Variants in NRXN3 observed in about 807,000 individuals in gnomAD.
NRXN3 encodes the protein neurexin III.
A neutral mutation model predicts 137.6 loss-of-function variants in NRXN3; 32 were observed. The observed-to-expected ratio is 0.23, with a 90% confidence interval of 0.18 to 0.31. The LOEUF (loss-of-function observed/expected upper bound fraction) is 0.31, where lower values mean the gene tolerates loss of function less well. Ranked by LOEUF, NRXN3 falls within the 10% of genes least tolerant of loss-of-function variation. The pLI is 1.00. For missense variants in NRXN3, 1,574 were observed against 2,062.5 expected (o/e 0.76, Z 4.59); for synonymous variants, 798 against 784.5 (o/e 1.02, Z -0.29).
chr14:78,197,934 A>G (rs540624449), intron 1 of NRXN3, among the ~76,000 whole-genome samples: 166 of 152,280 alleles, frequency 1.1e-3, no homozygotes, highest in Non-Finnish European at 1.5e-3. Flanking sequence ...ATATAAAGCA[A>G]TATGAAGCAT....
chr14:78,498,830 C>T (rs557484496), intron 4 of NRXN3, among the ~76,000 whole-genome samples: 1 of 151,600 alleles, frequency 6.6e-6, no homozygotes, highest in East Asian at 2.0e-4. Context: ...CTCACTATAT[C>T]ACCCAGGCTC....
At chr14:78,666,078 AT>A (rs1187786035) in intron 6 of NRXN3, among the ~76,000 whole-genome samples, 4 of 152,134 alleles carry the variant, frequency 2.6e-5, no homozygotes, top group South Asian at 2.1e-4. Flanking sequence ...CTTGCAGTAT[AT>A]ATCTATATAT....
At chr14:78,604,360 G>T (rs2152446949) in intron 4 of NRXN3, among the ~76,000 whole-genome samples, 1 of 151,688 alleles carries the variant, frequency 6.6e-6, no homozygotes, top group East Asian at 1.9e-4. Flanking sequence ...TTTGTGCAGG[G>T]ATGACAAGAG....
intron 16 of NRXN3, among the ~76,000 whole-genome samples, chr14:79,491,695 G>C (rs1290649124): frequency 6.6e-6 from 1 of 152,046 alleles, no homozygotes; most frequent in Admixed American, 6.6e-5. Context: ...GAGAGAGAGA[G>C]AATGAATCTA....
chr14:78,575,952 A>T (rs2096932001), intron 4 of NRXN3, among the ~76,000 whole-genome samples: 1 of 152,234 alleles, frequency 6.6e-6, no homozygotes, highest in African/African-American at 2.4e-5. Context: ...AAGTGGAAGG[A>T]AAGCAAATGC....
intron 16 of NRXN3, among the ~76,000 whole-genome samples, chr14:79,539,670 A>G (rs991345516): frequency 5.3e-5 from 8 of 152,186 alleles, no homozygotes; most frequent in African/African-American, 1.7e-4. Context: ...TAGAGAAAAG[A>G]TGGATAACAT....
intron 15 of NRXN3, among the ~76,000 whole-genome samples, chr14:79,274,979 T>G (rs1238609324): frequency 6.6e-6 from 1 of 152,196 alleles, no homozygotes; most frequent in Admixed American, 6.5e-5. Flanking sequence ...AGAAGTGATG[T>G]CTAAAAGAAT....
Position 78,926,885 on chromosome 14 carries a change from T to A in NRXN3, c.2276-30357T>A. ...TAATATATATATAATATATAATATA[T>A]TTATATATATATATAATATATATAA... On this transcript the variant is annotated intron_variant, in intron 10 of 20. Transcript: ENST00000335750. Among the ~76,000 whole-genome samples, 2 of 21,718 alleles carry A rather than the reference T, an allele frequency of 9.2e-5. 1 individual carries two copies. Among genetic ancestry groups the A allele is most frequent in the East Asian group, 4.6e-3 (2 of 436 alleles). The allele number at this position is 21,718 out of a possible 152,430, so 14.2% of individuals were successfully genotyped here. A position where few individuals can be genotyped will look rare whatever the true frequency, so the allele number is the denominator to read the frequency against.
intron 4 of NRXN3, among the ~76,000 whole-genome samples, chr14:78,453,047 T>C (rs2094588747): frequency 6.6e-6 from 1 of 152,228 alleles, no homozygotes. Context: ...AAGCCTTCAA[T>C]AGACCAAGTC....
intron 4 of NRXN3, among the ~76,000 whole-genome samples, chr14:78,346,642 C>T (rs1461408352): frequency 6.6e-6 from 1 of 152,190 alleles, no homozygotes; most frequent in Non-Finnish European, 1.5e-5. Flanking sequence ...CCTTCTAACA[C>T]CCCACCTTAC....
At chr14:78,918,145 C>T (rs904768546) in intron 10 of NRXN3, among the ~76,000 whole-genome samples, 2 of 151,260 alleles carry the variant, frequency 1.3e-5, no homozygotes, top group South Asian at 2.1e-4. Flanking sequence ...ATTAGCCGGG[C>T]GTGGTGGCGC....
intron 17 of NRXN3, among the ~76,000 whole-genome samples, chr14:79,691,767 C>A (rs549898436): frequency 6.6e-6 from 1 of 151,976 alleles, no homozygotes; most frequent in Non-Finnish European, 1.5e-5. Context: ...GTGCAGCTTG[C>A]GTGACTGTGG....
chr14:79,126,125 A>G (rs931381888), intron 15 of NRXN3, among the ~76,000 whole-genome samples: 2 of 152,100 alleles, frequency 1.3e-5, no homozygotes, highest in African/African-American at 4.8e-5. Context: ...TCTAATTTTA[A>G]TTAACTTAAA....
intron 19 of NRXN3, among the ~76,000 whole-genome samples, chr14:79,758,890 G>A (rs1318358201): frequency 1.3e-5 from 2 of 152,182 alleles, no homozygotes; most frequent in Non-Finnish European, 1.5e-5. Context: ...ACTGCCCAGA[G>A]AAGTCATTTA....
At position 79,561,432 on chromosome 14, in the gene NRXN3, A is replaced by G. The variant is rs920122; in HGVS notation, c.3444+94030A>G. ...AGCTATTTAAATATATCTGTGGGCA[A>G]TTGCACAAATCTGCCACTTTTGTAG... On this transcript the variant is annotated intron_variant, in intron 16 of 20. Transcript: ENST00000335750. Among the ~76,000 whole-genome samples the G allele has an allele frequency of 6.3e-3, 959 of 152,280 alleles. 12 individuals are homozygous for G. Among genetic ancestry groups the G allele is most frequent in the Middle Eastern group, 0.037 (11 of 294 alleles).
intron 4 of NRXN3, chr14:78,615,007 C>A (rs1204509713): frequency 2.2e-6 from 1 of 456,626 alleles, no homozygotes; most frequent in African/African-American, 2.0e-5. Context: ...ACCCCTCTAC[C>A]CACTTCCACC....
chr14:78,687,702 C>T (rs888621098), intron 6 of NRXN3, among the ~76,000 whole-genome samples: 1 of 152,172 alleles, frequency 6.6e-6, no homozygotes, highest in African/African-American at 2.4e-5. Flanking sequence ...CTAACTGGAA[C>T]ATTGCTGGTT....
chr14:78,893,627 T>C (rs1442587692), intron 10 of NRXN3, among the ~76,000 whole-genome samples: 1 of 151,998 alleles, frequency 6.6e-6, no homozygotes, highest in East Asian at 1.9e-4. Context: ...GCAGAATTAA[T>C]AGTAAAACCA....
chr14:78,654,983 G>T (rs2097774005), intron 6 of NRXN3, among the ~76,000 whole-genome samples: 1 of 152,156 alleles, frequency 6.6e-6, no homozygotes, highest in Admixed American at 6.5e-5. Context: ...TATCAGATAT[G>T]AGAAAAAGAT....
Sources: gnomAD v4.1 joint callset for allele counts (sites outside exome capture counted in the v4.1 genomes callset) on GRCh38, gnomAD v4.1.1 for gene constraint, MANE v1.5 for transcripts, NCBI Gene and HGNC (gene_info 2026-07-23, HGNC 2026-07-21) for gene names.